TP63: variants seen among roughly 807,000 people sequenced by gnomAD.
TP63 encodes the protein tumor protein p63, also known as tumor protein 63.
A neutral mutation model predicts 82.8 loss-of-function variants in TP63; 17 were observed. The ratio of observed to expected loss-of-function variants is 0.21; its 90% confidence interval spans 0.14 to 0.31. The LOEUF is 0.31. Ranked by LOEUF, TP63 falls within the 10% of genes least tolerant of loss-of-function variation. The pLI, the probability that TP63 is intolerant of heterozygous loss-of-function variation, is 1.00. For synonymous variants in TP63, 330 were observed against 321.7 expected, an observed-to-expected ratio of 1.03 and a Z score of -0.28; for missense variants, 648 against 895.3, an observed-to-expected ratio of 0.72 and a Z score of 3.52.
chr3:189,778,614 T>C (rs911069412), intron 3 of TP63, among the ~76,000 whole-genome samples: 2 of 152,252 alleles, frequency 1.3e-5, no homozygotes, highest in Non-Finnish European at 2.9e-5. Flanking sequence ...GAACTTATTA[T>C]TGTTGCTAAA....
intron 1 of TP63, among the ~76,000 whole-genome samples, chr3:189,639,130 C>T (rs781565975): frequency 7.9e-5 from 12 of 152,098 alleles, no homozygotes; most frequent in Non-Finnish European, 1.3e-4. Context: ...GGGTTTCTAT[C>T]TCCTTTAAAG....
At position 189,649,390 on chromosome 3, in the gene TP63, T is replaced by G. The variant is rs1016343503; in HGVS notation, c.62+17813T>G. Among the ~76,000 whole-genome samples the G allele has an allele frequency of 8.2e-5, 12 of 146,676 alleles. 1 individual carries two copies. The highest frequency in any genetic ancestry group is 2.8e-4 in the African/African-American group (11 of 39,088). ...TGCAGGAATAGAAAACCAAATAGCA[T>G]TATGTTTCACTCATAAGTGGAAACT... On this transcript the variant is annotated intron_variant, in intron 1 of 13. Coordinates refer to ENST00000264731, the MANE Select transcript of TP63 (RefSeq NM_003722.5).
At chr3:189,723,771 A>G (rs1466556867) in intron 1 of TP63, among the ~76,000 whole-genome samples, 1 of 152,224 alleles carries the variant, frequency 6.6e-6, no homozygotes, top group African/African-American at 2.4e-5. Context: ...GAAATACATT[A>G]TTCTGGGTAG....
chr3:189,627,449 C>T (rs1225714089), upstream of TP63, among the ~76,000 whole-genome samples: 1 of 152,072 alleles, frequency 6.6e-6, no homozygotes, highest in African/African-American at 2.4e-5. Context: ...GAATACGTAC[C>T]ATATGCCTGC....
chr3:189,822,457 A>G (rs1314593175), intron 4 of TP63, among the ~76,000 whole-genome samples: 1 of 152,184 alleles, frequency 6.6e-6, no homozygotes, highest in African/African-American at 2.4e-5. Context: ...TTTCTTTCTG[A>G]AAAACTTATT....
intron 1 of TP63, among the ~76,000 whole-genome samples, chr3:189,666,975 A>T (rs974125768): frequency 6.6e-6 from 1 of 151,732 alleles, no homozygotes; most frequent in Non-Finnish European, 1.5e-5. Flanking sequence ...AAAATATATA[A>T]GAAAACTTTT....
intron 3 of TP63, among the ~76,000 whole-genome samples, chr3:189,807,248 T>C (rs1368602248): frequency 6.6e-6 from 1 of 152,268 alleles, no homozygotes; most frequent in African/African-American, 2.4e-5. Context: ...TTTGATGGCA[T>C]GGACAGAGCC....
chr3:189,710,700 G>A (rs975911047), intron 1 of TP63, among the ~76,000 whole-genome samples: 1 of 152,124 alleles, frequency 6.6e-6, no homozygotes, highest in Non-Finnish European at 1.5e-5. Flanking sequence ...GTGCCTGAAG[G>A]TTGAGCTAGA....
intron 1 of TP63, among the ~76,000 whole-genome samples, chr3:189,676,725 C>T (rs1166109477): frequency 6.6e-6 from 1 of 152,002 alleles, no homozygotes; most frequent in Non-Finnish European, 1.5e-5. Flanking sequence ...CAGCCCCCTG[C>T]CCACAGACTG....
At chr3:189,653,144 T>TCATC (rs1291537439) in intron 1 of TP63, among the ~76,000 whole-genome samples, 1 of 152,172 alleles carries the variant, frequency 6.6e-6, no homozygotes, top group Admixed American at 6.5e-5. Context: ...ATAGCATGAT[T>TCATC]CATCCATCTA....
At chr3:189,844,420 G>A (rs1184651772) in intron 4 of TP63, 1 of 324,488 alleles carries the variant, frequency 3.1e-6, no homozygotes, top group Non-Finnish European at 6.3e-6. Context: ...CAAGTAGGTG[G>A]GATTACAGAC....
chr3:189,758,380 T>C (rs1363733403), intron 3 of TP63, among the ~76,000 whole-genome samples: 2 of 152,194 alleles, frequency 1.3e-5, no homozygotes, highest in African/African-American at 4.8e-5. Context: ...GCCCCTGGTC[T>C]CAAGTGAGCA....
chr3:189,644,047 C>G (rs1439124796), intron 1 of TP63, among the ~76,000 whole-genome samples: 2 of 152,158 alleles, frequency 1.3e-5, no homozygotes, highest in African/African-American at 4.8e-5. Flanking sequence ...TGATTGCCTT[C>G]CCACAATGTT....
Position 189,655,484 on chromosome 3 carries a change from G to A in TP63, c.62+23907G>A, listed in dbSNP as rs577861220. On this transcript the variant is annotated intron_variant, in intron 1 of 13. Coordinates refer to ENST00000264731, the MANE Select transcript of TP63 (RefSeq NM_003722.5). Reference sequence around the variant, plus strand: ...TACTAAAAATACAAAAATTAGCTGGGCATGGCACATGCCTGTAGTCCCAGC... The same window carrying A: ...TACTAAAAATACAAAAATTAGCTGGACATGGCACATGCCTGTAGTCCCAGC... Among the ~76,000 whole-genome samples the A allele has an allele frequency of 3.3e-5, 5 of 152,166 alleles. No individual in the cohort carries two copies. In the East Asian group the frequency reaches 9.7e-4, roughly 29 times the overall value.
chr3:189,748,508 C>CAAAAAAAAA (rs58926854), intron 3 of TP63, among the ~76,000 whole-genome samples: 6 of 31,254 alleles, frequency 1.9e-4, no homozygotes, highest in African/African-American at 5.3e-4. Context: ...AGGAAAACTA[C>CAAAAAAAAA]AAAAAAAAAA....
At chr3:189,613,939 C>G in the TP63 span, among the ~76,000 whole-genome samples, 1 of 152,138 alleles carries the variant, frequency 6.6e-6, no homozygotes, top group Admixed American at 6.5e-5. Flanking sequence ...TAGGAAGTAA[C>G]TAGCTTGTTT....
chr3:189,731,268 C>G lies in TP63; in HGVS notation c.63-6472C>G, dbSNP rs1720152597. Among the ~76,000 whole-genome samples the G allele has an allele frequency of 2.6e-5, 4 of 152,020 alleles. No homozygotes were observed. In the South Asian group the frequency reaches 8.3e-4, roughly 32 times the overall value. On this transcript the variant is annotated intron_variant, in intron 1 of 13. Transcript: ENST00000264731. ...CTGAGGCAGGAGAATCGCTTGAACC[C>G]AGGAGGCAGAGGTTGCAGTGAACCA...
At chr3:189,709,071 C>T (rs1231574609) in intron 1 of TP63, among the ~76,000 whole-genome samples, 1 of 152,128 alleles carries the variant, frequency 6.6e-6, no homozygotes, top group Non-Finnish European at 1.5e-5. Context: ...TTTATTTCAT[C>T]ATCTCACTTT....
At chr3:189,829,124 C>T (rs964565067) in intron 4 of TP63, among the ~76,000 whole-genome samples, 3 of 152,040 alleles carry the variant, frequency 2.0e-5, no homozygotes, top group African/African-American at 7.3e-5. Context: ...TTTACTGGTA[C>T]CCAAAGAAGG....
Sources: allele counts gnomAD v4.1 joint callset (sites outside exome capture counted in the v4.1 genomes callset), GRCh38; gene constraint gnomAD v4.1.1; transcripts MANE v1.5; gene names NCBI Gene and HGNC (gene_info 2026-07-23, HGNC 2026-07-21).